Variants in PRDM1 observed in about 807,000 individuals in gnomAD.
PRDM1 encodes the protein PR domain zinc finger protein 1.
Under a neutral mutation model 62.8 loss-of-function variants are expected in PRDM1, and 13 were observed. The ratio of observed to expected loss-of-function variants is 0.21; its 90% CI spans 0.13 to 0.33. The LOEUF (loss-of-function observed/expected upper bound fraction) is 0.33. Among genes scored for constraint, PRDM1 ranks in the 10% least tolerant of loss-of-function variants. The probability of loss-of-function intolerance (pLI) is 1.00; values close to 1 mark genes in which losing one functional copy is unlikely to be tolerated. For synonymous variants in PRDM1, 396 were observed against 417.6 expected (o/e 0.95, Z 0.63); for missense variants, 895 against 1,058.8 (o/e 0.85, Z 2.15).
intron 1 of PRDM1, among the ~76,000 whole-genome samples, chr6:106,027,833 C>A (rs1279493000): frequency 1.3e-5 from 2 of 152,190 alleles, no homozygotes; most frequent in East Asian, 3.8e-4. Flanking sequence ...TGTTCTTTGG[C>A]TGCTTTGCTG....
intron 4 of PRDM1, among the ~76,000 whole-genome samples, chr6:106,104,367 A>G (rs546443854): frequency 1.3e-5 from 2 of 152,176 alleles, no homozygotes; most frequent in East Asian, 3.9e-4. Context: ...GTGCGCCACC[A>G]CGCCCAGCTA....
rs1773863850 is a variant in PRDM1 at position 106,088,264 on chromosome 6, ACCAT to A, written c.107_110del (p.Thr36ArgfsTer10). 2 of 1,613,938 alleles carry A rather than the reference ACCAT, an allele frequency of 1.2e-6. No individual in the cohort carries two copies. Among genetic ancestry groups the A allele is most frequent in the Admixed American group, 1.7e-5 (1 of 59,994 alleles). On this transcript the variant is annotated frameshift_variant, in exon 2 of 7. Transcript: ENST00000369096. LOFTEE classifies it high-confidence loss of function. ...GGGATTGGCAGAGGGGACCAAGGGG[ACCAT>A]GAAAATGGACATGGAGGATGCGGAT...
chr6:106,042,999 T>C (rs1317581297), intron 1 of PRDM1, among the ~76,000 whole-genome samples: 1 of 152,014 alleles, frequency 6.6e-6, no homozygotes, highest in Non-Finnish European at 1.5e-5. Context: ...TATAGGCATG[T>C]GCCACCACGC....
chr6:106,067,692 A>C (rs1240607229), intron 1 of PRDM1, among the ~76,000 whole-genome samples: 1 of 152,304 alleles, frequency 6.6e-6, no homozygotes, highest in East Asian at 1.9e-4. Context: ...CACAAGGTAA[A>C]ATAGAGGTTA....
At chr6:106,050,925 T>C (rs1773163363) in intron 1 of PRDM1, among the ~76,000 whole-genome samples, 1 of 152,220 alleles carries the variant, frequency 6.6e-6, no homozygotes, top group Non-Finnish European at 1.5e-5. Context: ...GTATTTAAAA[T>C]TTAGTGATAA....
intron 1 of PRDM1, among the ~76,000 whole-genome samples, chr6:106,067,797 A>G (rs1773456020): frequency 6.6e-6 from 1 of 152,172 alleles, no homozygotes; most frequent in Non-Finnish European, 1.5e-5. Flanking sequence ...AATAGTGGTG[A>G]TGGTTGCATA....
chr6:106,049,113 G>C (rs1288241849), intron 1 of PRDM1, among the ~76,000 whole-genome samples: 1 of 152,146 alleles, frequency 6.6e-6, no homozygotes, highest in African/African-American at 2.4e-5. Flanking sequence ...ACTGCGCCTG[G>C]CCCCATTTCC....
intron 1 of PRDM1, among the ~76,000 whole-genome samples, chr6:106,061,461 C>T (rs1210584627): frequency 1.3e-5 from 2 of 152,212 alleles, no homozygotes; most frequent in East Asian, 3.8e-4. Context: ...ACATGCCTGC[C>T]AGGATGTCCC....
chr6:106,098,056 T>C (rs1263778571), intron 3 of PRDM1: 1 of 260,570 alleles, frequency 3.8e-6, no homozygotes, highest in Non-Finnish European at 6.0e-6. Flanking sequence ...TTTTTATTTC[T>C]GATAACGTTT....
At chr6:106,026,552 T>A (rs1212880351) in intron 1 of PRDM1, among the ~76,000 whole-genome samples, 1 of 151,850 alleles carries the variant, frequency 6.6e-6, no homozygotes, top group Non-Finnish European at 1.5e-5. Flanking sequence ...TTTCGTCTGG[T>A]GTAGTGGGAG....
At chr6:106,003,358 G>A (rs926147609) in intron 1 of PRDM1, among the ~76,000 whole-genome samples, 1 of 152,130 alleles carries the variant, frequency 6.6e-6, no homozygotes, top group Non-Finnish European at 1.5e-5. Context: ...TTAACCCTCA[G>A]GGTGGGAAAG....
At chr6:106,099,840 G>A in intron 4 of PRDM1, 1 of 407,632 alleles carries the variant, frequency 2.5e-6, no homozygotes, top group Non-Finnish European at 4.5e-6. Context: ...AAAAGCAGTT[G>A]GGAGAATTAC....
upstream of PRDM1, among the ~76,000 whole-genome samples, chr6:106,083,490 A>T (rs1773732490): frequency 6.6e-6 from 1 of 152,124 alleles, no homozygotes; most frequent in African/African-American, 2.4e-5. Flanking sequence ...CTTTCCCTAT[A>T]GAGTCATCTG....
intron 2 of PRDM1, among the ~76,000 whole-genome samples, chr6:106,090,878 A>C (rs1001744770): frequency 6.8e-6 from 1 of 147,070 alleles, no homozygotes. Flanking sequence ...ATGTGTCAGC[A>C]CCTTTTTTTT....
chr6:106,099,670 G>A, intron 4 of PRDM1, 118 bp downstream of exon 4: 3 of 1,398,948 alleles, frequency 2.1e-6, no homozygotes, highest in Non-Finnish European at 2.9e-6. Context: ...GAAGTAGGTG[G>A]CTTAAGCTAG....
chr6:106,077,005 T>C (rs1582452871), intron 1 of PRDM1, among the ~76,000 whole-genome samples: 1 of 152,224 alleles, frequency 6.6e-6, no homozygotes. Context: ...GAAAATCTAT[T>C]ACATTTGTTT....
intron 1 of PRDM1, among the ~76,000 whole-genome samples, chr6:106,087,371 G>A (rs1032993709): frequency 6.6e-6 from 1 of 152,190 alleles, no homozygotes; most frequent in Admixed American, 6.5e-5. Flanking sequence ...AGTGCTATTT[G>A]TAGCTGAGGA....
intron 1 of PRDM1, among the ~76,000 whole-genome samples, chr6:106,025,066 T>A (rs1313919911): frequency 2.0e-5 from 3 of 152,210 alleles, no homozygotes; most frequent in African/African-American, 7.2e-5. Flanking sequence ...ATTAATGGTT[T>A]AAAAATAAAT....
upstream of PRDM1, among the ~76,000 whole-genome samples, chr6:106,085,864 G>A (rs1490625178): frequency 9.6e-6 from 1 of 104,508 alleles, no homozygotes; most frequent in Non-Finnish European, 1.7e-5. Context: ...GGCGGGGGGC[G>A]GGGAAACGTG....
Sources: gnomAD v4.1 joint callset for allele counts (sites outside exome capture counted in the v4.1 genomes callset) on GRCh38, gnomAD v4.1.1 for gene constraint, MANE v1.5 for transcripts, NCBI Gene and HGNC (gene_info 2026-07-23, HGNC 2026-07-21) for gene names.